SGCZ: variants seen among roughly 807,000 people sequenced by gnomAD.
SGCZ encodes the protein sarcoglycan zeta, also known as zeta-sarcoglycan.
Under a neutral mutation model 41.3 loss-of-function variants are expected in SGCZ, and 40 were observed. That is an observed-to-expected ratio of 0.97 (90% CI 0.75 to 1.26). SGCZ has a LOEUF of 1.26. SGCZ is among the 50% of genes most tolerant of loss of function. The pLI is 0.00. For synonymous variants in SGCZ, 206 were observed against 137.5 expected, an observed-to-expected ratio of 1.50 and a Z score of -3.49; for missense variants, 552 against 369.8, an observed-to-expected ratio of 1.49 and a Z score of -4.04.
chr8:14,439,135 G>A (rs949108852), intron 2 of SGCZ, among the ~76,000 whole-genome samples: 3 of 151,848 alleles, frequency 2.0e-5, no homozygotes, highest in Non-Finnish European at 2.9e-5. Flanking sequence ...CTCTGCCTTT[G>A]ACCGTGATAC....
intron 1 of SGCZ, among the ~76,000 whole-genome samples, chr8:14,816,067 T>G (rs985941622): frequency 2.6e-5 from 4 of 152,246 alleles, no homozygotes; most frequent in Non-Finnish European, 5.9e-5. Flanking sequence ...TAATGCAGTA[T>G]GTCAAATATA....
intron 1 of SGCZ, among the ~76,000 whole-genome samples, chr8:14,611,640 C>T (rs1585123895): frequency 6.6e-6 from 1 of 152,094 alleles, no homozygotes; most frequent in Admixed American, 6.6e-5. Context: ...ATTTTCTTGA[C>T]AGAAGCCATA....
intron 1 of SGCZ, among the ~76,000 whole-genome samples, chr8:14,676,980 A>C (rs1372002000): frequency 6.6e-6 from 1 of 152,154 alleles, no homozygotes; most frequent in Non-Finnish European, 1.5e-5. Flanking sequence ...AAGAAAGAAA[A>C]AAATAAACAA....
At chr8:14,260,317 A>G (rs1319780837) in intron 3 of SGCZ, among the ~76,000 whole-genome samples, 1 of 151,202 alleles carries the variant, frequency 6.6e-6, no homozygotes, top group Non-Finnish European at 1.5e-5. Context: ...AAAAGAAGAC[A>G]TTTATGCAGC....
At chr8:15,212,057 G>C (rs1004927230) in intron 1 of SGCZ, among the ~76,000 whole-genome samples, 8 of 151,702 alleles carry the variant, frequency 5.3e-5, no homozygotes, top group Non-Finnish European at 1.2e-4. Context: ...AGACGTTCGT[G>C]AATAGAAAAG....
intron 2 of SGCZ, among the ~76,000 whole-genome samples, chr8:14,403,149 G>A (rs1292348670): frequency 2.0e-5 from 3 of 150,194 alleles, no homozygotes; most frequent in African/African-American, 7.6e-5. Flanking sequence ...TGTATCCCGA[G>A]ACTTTGCTGA....
chr8:14,102,610 CCAGA>C (rs1353923247), intron 6 of SGCZ, 111 bp from the exon 7 acceptor site: 10 of 1,011,314 alleles, frequency 9.9e-6, no homozygotes, highest in South Asian at 9.5e-5. Flanking sequence ...AAAACAACAA[CCAGA>C]CAGACAGGCA....
chr8:14,420,655 C>A (rs1304975947), intron 2 of SGCZ, among the ~76,000 whole-genome samples: 1 of 151,990 alleles, frequency 6.6e-6, no homozygotes, highest in Non-Finnish European at 1.5e-5. Context: ...AGATCCTGTT[C>A]AGCAATAGAA....
intron 1 of SGCZ, among the ~76,000 whole-genome samples, chr8:14,703,833 T>C (rs1439349412): frequency 6.6e-6 from 1 of 151,958 alleles, no homozygotes; most frequent in Non-Finnish European, 1.5e-5. Context: ...GAAAGAGAAG[T>C]TGACGACTCA....
chr8:14,312,344 A>C (rs865990834), intron 3 of SGCZ, among the ~76,000 whole-genome samples: 2 of 151,038 alleles, frequency 1.3e-5, no homozygotes, highest in Non-Finnish European at 1.5e-5. Context: ...TTTTTTAGTA[A>C]ATCTTTCTCT....
At chr8:14,430,906 C>T (rs1189263577) in intron 2 of SGCZ, among the ~76,000 whole-genome samples, 1 of 152,060 alleles carries the variant, frequency 6.6e-6, no homozygotes, top group East Asian at 1.9e-4. Context: ...CAACAGCGAC[C>T]AAGCTGAGAA....
intron 1 of SGCZ, among the ~76,000 whole-genome samples, chr8:15,226,607 A>C (rs1419856082): frequency 6.6e-6 from 1 of 151,766 alleles, no homozygotes; most frequent in Non-Finnish European, 1.5e-5. Context: ...TTGGTGTCCC[A>C]GTTTCCACTC....
chr8:14,117,355 T>TG (rs1554460511), intron 5 of SGCZ, among the ~76,000 whole-genome samples: 17,555 of 38,324 alleles, frequency 0.46, 1,209 homozygotes, highest in East Asian at 0.52. Flanking sequence ...CAATAGGTAG[T>TG]GTTTTTTTTT....
intron 3 of SGCZ, among the ~76,000 whole-genome samples, chr8:14,256,014 G>A (rs113020072): frequency 5.9e-5 from 9 of 152,020 alleles, no homozygotes; most frequent in African/African-American, 1.4e-4. Context: ...CGAGGAACAT[G>A]CCTAAAAACT....
intron 1 of SGCZ, among the ~76,000 whole-genome samples, chr8:14,783,132 G>C (rs1027877182): frequency 6.6e-6 from 1 of 152,106 alleles, no homozygotes; most frequent in Non-Finnish European, 1.5e-5. Flanking sequence ...AATTCCAAGA[G>C]ATAGAAAGTA....
intron 2 of SGCZ, among the ~76,000 whole-genome samples, chr8:14,353,484 T>G (rs910786764): frequency 6.6e-6 from 1 of 152,068 alleles, no homozygotes; most frequent in Non-Finnish European, 1.5e-5. Context: ...ACTCTGATGC[T>G]TTACAGATAT....
intron 1 of SGCZ, among the ~76,000 whole-genome samples, chr8:14,588,292 G>C (rs1563135245): frequency 1.3e-5 from 2 of 151,644 alleles, no homozygotes; most frequent in African/African-American, 4.8e-5. Flanking sequence ...TCAGGAAATG[G>C]TATACTTGAT....
Position 15,200,774 on chromosome 8 carries a change from A to C in SGCZ, c.39+36811T>G, listed in dbSNP as rs143232526. On this transcript the variant is annotated intron_variant, in intron 1 of 7. Coordinates refer to ENST00000382080, the MANE Select transcript of SGCZ (RefSeq NM_139167.4). ...TCATTTAGAGATGAGGAAAATTAAC[A>C]AGCTAGGCCAAGACACAAACCCACG... is the stretch of plus-strand genomic sequence containing the variant. Among the ~76,000 whole-genome samples the C allele has an allele frequency of 5.9e-3, 897 of 152,300 alleles. 11 individuals are homozygous for C. The highest frequency in any genetic ancestry group is 0.02 in the African/African-American group (846 of 41,554).
At position 14,551,510 on chromosome 8, in the gene SGCZ, TATATATTATATATAATATATATAA is replaced by T. The variant is rs1803832073; in HGVS notation, c.234+3198_234+3221del. ...TATATTATATATATTATATATATTA[TATATATTATATATAATATATATAA>T]TATATATAATATATATAATATATAT... is the stretch of plus-strand genomic sequence containing the variant. On this transcript the variant is annotated intron_variant, in intron 2 of 7. Transcript: ENST00000382080. Among the ~76,000 whole-genome samples, 5 of 8,122 alleles carry T rather than the reference TATATATTATATATAATATATATAA, an allele frequency of 6.2e-4. 1 individual carries two copies. Among genetic ancestry groups the T allele is most frequent in the African/African-American group, 1.9e-3 (4 of 2,088 alleles). 5.3% of individuals were successfully genotyped at this position (8,122 alleles called of 152,430 possible). A position where few individuals can be genotyped will look rare whatever the true frequency, so the allele number is the denominator to read the frequency against.
Sources: gnomAD v4.1 joint callset for allele counts (sites outside exome capture counted in the v4.1 genomes callset) on GRCh38, gnomAD v4.1.1 for gene constraint, MANE v1.5 for transcripts, NCBI Gene and HGNC (gene_info 2026-07-23, HGNC 2026-07-21) for gene names.